NR2F1: variants seen among roughly 807,000 people sequenced by gnomAD.
The protein encoded by NR2F1 is nuclear receptor subfamily 2 group F member 1.
In NR2F1, 1 loss-of-function variant was observed where a neutral mutation model predicts 37.7. The observed-to-expected ratio is 0.03, with a 90% confidence interval of 0.01 to 0.13. The LOEUF (loss-of-function observed/expected upper bound fraction) is 0.13. Ranked by LOEUF, NR2F1 falls within the 10% of genes least tolerant of loss-of-function variation. The pLI is 1.00. For missense variants in NR2F1, 268 were observed against 578.4 expected (o/e 0.46, Z 5.50); for synonymous variants, 275 against 259.6 (o/e 1.06, Z -0.57).
rs1232450430 is a variant in NR2F1 at position 93,585,098 on chromosome 5, C to T, written c.75C>T (p.Pro25=). 3 of 1,001,376 alleles carry T rather than the reference C, an allele frequency of 3.0e-6. No individual in the cohort carries two copies. The highest frequency in any genetic ancestry group is 2.4e-6 in the Non-Finnish European group (2 of 842,972). The allele number at this position is 1,001,376 out of a possible 1,614,324, so 62.0% of individuals were successfully genotyped here. Residue 25 remains proline (P), a synonymous_variant, in exon 1 of 3, where the codon CCC becomes CCT. Transcript: ENST00000327111. ...GGGGCAACCCCGGCGGCCCCAACCC[C>T]GCAGCGCAGGCGGCCCGCGGCGGCG... ...VAGGNPGGPN[P]AAQAARGGGG...
intron 1 of NR2F1, among the ~76,000 whole-genome samples, chr5:93,586,811 G>T (rs1471169218): frequency 2.0e-5 from 3 of 151,944 alleles, no homozygotes; most frequent in Non-Finnish European, 4.4e-5. Flanking sequence ...AGTATTCTAG[G>T]CATTATGTTT....
rs1421293746 is a variant in NR2F1, at chr5:93,594,417, G to T, written c.*575G>T. 1.3e-5 allele frequency: 2 copies of T among 152,282 alleles called. No individual in the cohort carries two copies. The highest frequency in any genetic ancestry group is 4.8e-5 in the African/African-American group (2 of 41,426). 9.4% of individuals were successfully genotyped at this position (152,282 alleles called of 1,614,324 possible). A position where few individuals can be genotyped will look rare whatever the true frequency, so the allele number is the denominator to read the frequency against. On this transcript the variant is annotated 3_prime_UTR_variant, in exon 3 of 3. Transcript: ENST00000327111. ...ATTTTCCAAATAATTATAAAAAATT[G>T]TCCTGTGTCTATGTATCTATATCTG...
rs1753264281 is a variant in NR2F1, at chr5:93,588,137, C to T, written c.684C>T (p.Phe228=). 6.2e-7 allele frequency: 1 copy of T among 1,614,028 alleles called. No individual in the cohort carries two copies. The highest frequency in any genetic ancestry group is 1.7e-5 in the Admixed American group (1 of 60,028). Residue 228 remains phenylalanine (F), a synonymous_variant, in exon 2 of 3, where the codon TTC becomes TTT. Transcript: ENST00000327111. The stretch of plus-strand genomic sequence containing the variant: ...GCGAGCTGGCCGCGCGCCTGCTCTT[C>T]AGCGCCGTCGAGTGGGCCCGCAACA... ...NICELAARLL[F]SAVEWARNIP...
chr5:93,590,223 G>A (rs1025756299), intron 2 of NR2F1, among the ~76,000 whole-genome samples: 9 of 152,264 alleles, frequency 5.9e-5, no homozygotes, highest in South Asian at 2.1e-4. Context: ...CTCATCCAGC[G>A]AGGTGTCTTG....
rs908173239 is a variant in NR2F1 at position 93,593,134 on chromosome 5, G to A, written c.992-428G>A. ...AGGGGTACTGAACACCCCCAGATCA[G>A]AGGCAAATGGGGCAAAAGTTAATGA... On this transcript the variant is annotated intron_variant, in intron 2 of 2. Coordinates refer to ENST00000327111, the MANE Select transcript of NR2F1 (RefSeq NM_005654.6). The surrounding 1 kb of genome is among the most constrained non-coding windows in gnomAD (Gnocchi z 5.6). Among the ~76,000 whole-genome samples, 1 of 152,174 alleles carries A rather than the reference G, an allele frequency of 6.6e-6. No individual in the cohort carries two copies. The highest frequency in any genetic ancestry group is 1.5e-5 in the Non-Finnish European group (1 of 68,034).
At chr5:93,586,543 G>A (rs1486434225) in intron 1 of NR2F1, among the ~76,000 whole-genome samples, 1 of 152,168 alleles carries the variant, frequency 6.6e-6, no homozygotes. Flanking sequence ...CATTAAAGAT[G>A]TCTTATAGTC....
At chr5:93,592,180 GAC>G (rs1753342224) in intron 2 of NR2F1, 1 of 152,190 alleles carries the variant, frequency 6.6e-6, no homozygotes, top group African/African-American at 2.4e-5. Context: ...AAACTCAGCA[GAC>G]ACAGGTTTCA....
intron 1 of NR2F1, among the ~76,000 whole-genome samples, chr5:93,586,193 G>A (rs1395552144): frequency 6.6e-6 from 1 of 152,158 alleles, no homozygotes; most frequent in Non-Finnish European, 1.5e-5. Context: ...AGGAAAGTTT[G>A]TGACTGAACC....
At position 93,593,529 on chromosome 5, in the gene NR2F1, C is replaced by G. The variant is rs756946384; in HGVS notation, c.992-33C>G. On this transcript the variant is annotated intron_variant, in intron 2 of 2. Coordinates refer to ENST00000327111, the MANE Select transcript of NR2F1 (RefSeq NM_005654.6). This position sits in a 1 kb window ranked among gnomAD's most constrained non-coding sequence, Gnocchi z 5.6. ...GTCAGCCTAACCGTGTGCTCCCTTT[C>G]CCTGTCTCTCCCTCCTGTGGCTGCT... The G allele has an allele frequency of 6.3e-7, 1 of 1,599,014 alleles. No homozygotes were observed. The highest frequency in any genetic ancestry group is 1.3e-5 in the African/African-American group (1 of 74,574).
Position 93,584,912 on chromosome 5 carries a change from GC to G in NR2F1, c.-107del, listed in dbSNP as rs1753200111. 8.4e-5 allele frequency: 2 copies of G among 23,736 alleles called. No homozygotes were observed. Among genetic ancestry groups the G allele is most frequent in the East Asian group, 1.6e-3 (1 of 630 alleles). 1.5% of individuals were successfully genotyped at this position (23,736 alleles called of 1,614,324 possible). On this transcript the variant is annotated 5_prime_UTR_variant, in exon 1 of 3. Coordinates refer to ENST00000327111, the MANE Select transcript of NR2F1 (RefSeq NM_005654.6). ...CCCCGGGGCGCCCGGCGGGCCCCCC[GC>G]CCCCTCCCCCTCCCCCCTTCCCCTT...
rs1306944787 is a variant in NR2F1 at position 93,584,882 on chromosome 5, T to G, written c.-142T>G. 3 of 160,108 alleles carry G rather than the reference T, an allele frequency of 1.9e-5. No individual in the cohort carries two copies. The South Asian group carries it at 5.3e-4, about 28-fold the overall frequency. 9.9% of individuals were successfully genotyped at this position (160,108 alleles called of 1,614,324 possible). On this transcript the variant is annotated 5_prime_UTR_variant, in exon 1 of 3. Transcript: ENST00000327111. ...CGGTGTCCGGCTCGGGCTCGGCTCC[T>G]GCGACCCCGGGGCGCCCGGCGGGCC... is the stretch of plus-strand genomic sequence containing the variant.
At chr5:93,586,209 T>G (rs1462736976) in intron 1 of NR2F1, among the ~76,000 whole-genome samples, 1 of 152,200 alleles carries the variant, frequency 6.6e-6, no homozygotes, top group Admixed American at 6.5e-5. Flanking sequence ...GAACCGTGCT[T>G]TCATAGTTGT....
At chr5:93,585,736 G>A in intron 1 of NR2F1, 1 of 532,908 alleles carries the variant, frequency 1.9e-6, no homozygotes, top group Admixed American at 3.2e-5. Flanking sequence ...TGCCTGCTCA[G>A]GATTGTGTCC....
rs1188426856 is a variant in NR2F1 at position 93,584,307 on chromosome 5, G to T, written c.-717G>T. On this transcript the variant is annotated 5_prime_UTR_variant, in exon 1 of 3. Transcript: ENST00000327111. ...CAGCTCCAGCGGCGCCTGCAGCCGC[G>T]ACCTCCTCCTCCTCCGCCGCCGCCG... is the stretch of plus-strand genomic sequence containing the variant. The T allele has an allele frequency of 4.7e-5, 7 of 149,452 alleles. No homozygotes were observed. Among genetic ancestry groups the T allele is most frequent in the South Asian group, 3.6e-4 (2 of 5,480 alleles). 9.3% of individuals were successfully genotyped at this position (149,452 alleles called of 1,614,324 possible). A position where few individuals can be genotyped will look rare whatever the true frequency, so the allele number is the denominator to read the frequency against.
rs1349929231 is a variant in NR2F1, at chr5:93,594,310, T to C, written c.*468T>C. The stretch of plus-strand genomic sequence containing the variant: ...CATTGTTATTCATTTTGTAAAATAC[T>C]AGTCTTTATTTTCATTTTTTGTAAA... On this transcript the variant is annotated 3_prime_UTR_variant, in exon 3 of 3. Coordinates refer to ENST00000327111, the MANE Select transcript of NR2F1 (RefSeq NM_005654.6). The C allele has an allele frequency of 6.5e-6, 1 of 153,262 alleles. No individual in the cohort carries two copies. The highest frequency in any genetic ancestry group is 2.4e-5 in the African/African-American group (1 of 41,478). The allele number at this position is 153,262 out of a possible 1,614,324, so 9.5% of individuals were successfully genotyped here.
In NR2F1 at chr5:93,584,184, G is replaced by A. The variant is rs1048820229; in HGVS notation, c.-840G>A. 1 of 148,708 alleles carries A rather than the reference G, an allele frequency of 6.7e-6. No homozygotes were observed. The highest frequency in any genetic ancestry group is 1.5e-5 in the Non-Finnish European group (1 of 66,718). 9.2% of individuals were successfully genotyped at this position (148,708 alleles called of 1,614,324 possible). ...CAGCGGCGGCGCCGCGGGCGGCCCC[G>A]GCCTCCGCTCGCGCTCCGGCTGCGG... On this transcript the variant is annotated 5_prime_UTR_variant, in exon 1 of 3. Coordinates refer to ENST00000327111, the MANE Select transcript of NR2F1 (RefSeq NM_005654.6).
Position 93,593,590 on chromosome 5 carries a change from C to T in NR2F1, c.1020C>T (p.His340=). The T allele has an allele frequency of 6.2e-7, 1 of 1,613,888 alleles. No homozygotes were observed. The highest frequency in any genetic ancestry group is 1.1e-5 in the South Asian group (1 of 91,064). The stretch of plus-strand genomic sequence containing the variant: ...CCTGTGGCCTGTCGGATGCGGCCCA[C>T]ATCGAGAGCCTGCAGGAGAAGTCGC... ...SDACGLSDAA[H]IESLQEKSQC... Residue 340 remains histidine, a synonymous_variant, in exon 3 of 3, where the codon CAC becomes CAT. Transcript: ENST00000327111. The surrounding 1 kb of genome is among the most constrained non-coding windows in gnomAD (Gnocchi z 5.6).
chr5:93,583,673 T>G lies in NR2F1; in HGVS notation c.-1351T>G, dbSNP rs1011902473. 3 of 152,078 alleles carry G rather than the reference T, an allele frequency of 2.0e-5. No homozygotes were observed. Among genetic ancestry groups the G allele is most frequent in the Non-Finnish European group, 2.9e-5 (2 of 68,014 alleles). The allele number at this position is 152,078 out of a possible 1,614,324, so 9.4% of individuals were successfully genotyped here. On this transcript the variant is annotated 5_prime_UTR_variant, in exon 1 of 3. Transcript: ENST00000327111. ...TAAAATACTAAAAAAAGAACATTTT[T>G]GGGCGATCTCCAGGGTTTTTTTAAC...
chr5:93,585,723 C>T, intron 1 of NR2F1: 1 of 552,438 alleles, frequency 1.8e-6, no homozygotes, highest in Non-Finnish European at 3.3e-6. Flanking sequence ...CCACCCCGCC[C>T]GCTGCCTGCT....
Sources: gnomAD v4.1 joint callset for allele counts (sites outside exome capture counted in the v4.1 genomes callset) on GRCh38, gnomAD v4.1.1 for gene constraint, Gnocchi (gnomAD v3.1) non-coding constraint, MANE v1.5 for transcripts, NCBI Gene and HGNC (gene_info 2026-07-23, HGNC 2026-07-21) for gene names.